Variants in NKAIN2 observed in about 807,000 individuals in gnomAD.
NKAIN2 encodes the protein sodium/potassium-transporting ATPase subunit beta-1-interacting protein 2.
In NKAIN2, 14 loss-of-function variants were observed where a neutral mutation model predicts 32.6. That is an observed-to-expected ratio of 0.43 (90% CI 0.28 to 0.67). NKAIN2 has a LOEUF of 0.67. Among genes scored for constraint, NKAIN2 ranks in the 30% least tolerant of loss-of-function variants. The pLI is 0.17. For missense variants in NKAIN2, 198 were observed against 258.3 expected (o/e 0.77, Z 1.60); for synonymous variants, 80 against 87.2 (o/e 0.92, Z 0.46).
intron 3 of NKAIN2, among the ~76,000 whole-genome samples, chr6:124,396,254 A>G (rs1162005455): frequency 1.3e-5 from 2 of 151,796 alleles, no homozygotes; most frequent in Non-Finnish European, 2.9e-5. Flanking sequence ...TTAATAATTT[A>G]ATAATAAATT....
chr6:124,359,805 C>G (rs1484570304), intron 3 of NKAIN2, among the ~76,000 whole-genome samples: 1 of 152,110 alleles, frequency 6.6e-6, no homozygotes, highest in Non-Finnish European at 1.5e-5. Context: ...ACTTCCAACA[C>G]TATGTTGAAT....
chr6:124,558,527 T>G (rs1006940465), intron 3 of NKAIN2, among the ~76,000 whole-genome samples: 2 of 152,234 alleles, frequency 1.3e-5, no homozygotes, highest in African/African-American at 2.4e-5. Flanking sequence ...AAGGTAACAC[T>G]CCTGGCCATT....
At chr6:124,727,316 G>C (rs1323950270) in intron 4 of NKAIN2, among the ~76,000 whole-genome samples, 2 of 152,006 alleles carry the variant, frequency 1.3e-5, no homozygotes, top group African/African-American at 2.4e-5. Flanking sequence ...AGAAAGGTCG[G>C]GTTACCCTCA....
chr6:123,959,913 T>C (rs1777763323), intron 1 of NKAIN2, among the ~76,000 whole-genome samples: 1 of 148,348 alleles, frequency 6.7e-6, no homozygotes, highest in Admixed American at 6.8e-5. Context: ...GAAGGAAATA[T>C]GTCTTCCATA....
At chr6:124,789,912 G>T (rs1019454431) in intron 4 of NKAIN2, among the ~76,000 whole-genome samples, 3 of 151,960 alleles carry the variant, frequency 2.0e-5, no homozygotes, top group Non-Finnish European at 4.4e-5. Context: ...GACTCTCTAA[G>T]ATGTGTACTG....
rs766512371 is a variant in NKAIN2, at chr6:124,625,704, ATTTAT to A, written c.274-32479_274-32475del. ...ACCTACTTTGTGCTGAAGATGCTTT[ATTTAT>A]TTATTTATTTATTTATTTATTTTTT... On this transcript the variant is annotated intron_variant, in intron 3 of 6. Transcript: ENST00000368417. Among the ~76,000 whole-genome samples the A allele has an allele frequency of 3.5e-4, 34 of 98,482 alleles. No individual in the cohort carries two copies. In the South Asian group the frequency reaches 5.6e-3, roughly 16 times the overall value. 64.6% of individuals were successfully genotyped at this position (98,482 alleles called of 152,430 possible).
At chr6:124,722,701 G>T (rs1180165534) in intron 4 of NKAIN2, among the ~76,000 whole-genome samples, 1 of 152,160 alleles carries the variant, frequency 6.6e-6, no homozygotes, top group Non-Finnish European at 1.5e-5. Flanking sequence ...TTCCTAACAG[G>T]CCACAGACTA....
At chr6:124,169,361 T>C (rs975108097) in intron 1 of NKAIN2, among the ~76,000 whole-genome samples, 1 of 152,192 alleles carries the variant, frequency 6.6e-6, no homozygotes. Flanking sequence ...TTTATCTTTT[T>C]GCAATCAAAG....
At chr6:124,001,678 T>TA (rs1007539818) in intron 1 of NKAIN2, among the ~76,000 whole-genome samples, 11 of 151,620 alleles carry the variant, frequency 7.3e-5, no homozygotes, top group African/African-American at 2.7e-4. Flanking sequence ...GACAGTTTTT[T>TA]AAATAATTGT....
chr6:124,659,382 A>G (rs999917436), intron 4 of NKAIN2, among the ~76,000 whole-genome samples: 8 of 152,128 alleles, frequency 5.3e-5, no homozygotes, highest in East Asian at 1.9e-4. Flanking sequence ...AGAGTGGCAT[A>G]CAATTCAGAG....
intron 1 of NKAIN2, among the ~76,000 whole-genome samples, chr6:123,926,429 CT>C (rs1195549658): frequency 6.6e-6 from 1 of 152,130 alleles, no homozygotes; most frequent in Non-Finnish European, 1.5e-5. Flanking sequence ...CAGATTCCCG[CT>C]GCAGTGTTCC....
intron 3 of NKAIN2, among the ~76,000 whole-genome samples, chr6:124,464,415 C>T (rs180990874): frequency 4.0e-5 from 6 of 150,162 alleles, no homozygotes; most frequent in African/African-American, 7.3e-5. Context: ...TAAAAATAGC[C>T]ATGAATTATA....
chr6:124,360,449 T>G (rs1308069450), intron 3 of NKAIN2, among the ~76,000 whole-genome samples: 2 of 152,162 alleles, frequency 1.3e-5, no homozygotes, highest in African/African-American at 4.8e-5. Context: ...TTCAATAATA[T>G]GATACACAGG....
intron 2 of NKAIN2, among the ~76,000 whole-genome samples, chr6:124,324,421 A>G (rs1250521625): frequency 6.6e-6 from 1 of 152,198 alleles, no homozygotes; most frequent in Non-Finnish European, 1.5e-5. Flanking sequence ...GTATATAGGA[A>G]TAAAATATAA....
Position 124,772,271 on chromosome 6 carries a change from T to C in NKAIN2, c.475-19068T>C, listed in dbSNP as rs548039337. Among the ~76,000 whole-genome samples the C allele has an allele frequency of 2.6e-4, 40 of 152,280 alleles. 1 individual carries two copies. The South Asian group carries it at 8.1e-3, about 31-fold the overall frequency. On this transcript the variant is annotated intron_variant, in intron 4 of 6. Coordinates refer to ENST00000368417, the MANE Select transcript of NKAIN2 (RefSeq NM_001040214.3). ...CTTAGGGCTTTGTAGGGTGGAAGTA[T>C]AGGTGTAAACATTGTCAATGATAAC...
intron 3 of NKAIN2, among the ~76,000 whole-genome samples, chr6:124,537,219 C>G (rs897839408): frequency 6.6e-6 from 1 of 152,148 alleles, no homozygotes; most frequent in African/African-American, 2.4e-5. Flanking sequence ...GAAAATTCTC[C>G]TAAACTGAGA....
intron 1 of NKAIN2, among the ~76,000 whole-genome samples, chr6:124,253,709 T>G (rs1190544790): frequency 6.6e-6 from 1 of 152,144 alleles, no homozygotes; most frequent in African/African-American, 2.4e-5. Flanking sequence ...TTTGAAAGAA[T>G]GCAATAGCAT....
intron 3 of NKAIN2, among the ~76,000 whole-genome samples, chr6:124,655,084 A>G (rs562962949): frequency 6.6e-6 from 1 of 152,256 alleles, no homozygotes; most frequent in African/African-American, 2.4e-5. Flanking sequence ...AAGAAAAATC[A>G]ATTAACGATA....
At chr6:123,917,440 C>CA (rs2114479564) in intron 1 of NKAIN2, among the ~76,000 whole-genome samples, 1 of 152,038 alleles carries the variant, frequency 6.6e-6, no homozygotes, top group Admixed American at 6.5e-5. Context: ...TACGTTTAGG[C>CA]AAAAATGCTC....
Sources: allele counts gnomAD v4.1 joint callset (sites outside exome capture counted in the v4.1 genomes callset), GRCh38; gene constraint gnomAD v4.1.1; transcripts MANE v1.5; gene names NCBI Gene and HGNC (gene_info 2026-07-23, HGNC 2026-07-21).